The following UBE2O variants were observed in gnomAD, a reference collection of about 807,000 sequenced individuals.
UBE2O encodes the protein (E3-independent) E2 ubiquitin-conjugating enzyme.
UBE2O carries 15 observed loss-of-function variants against 125.8 expected under a neutral mutation model. That is an observed-to-expected ratio of 0.12 (90% confidence interval 0.08 to 0.18). The LOEUF is 0.18. Among genes scored for constraint, UBE2O ranks in the 10% least tolerant of loss-of-function variants. The probability of loss-of-function intolerance (pLI) is 1.00; values close to 1 mark genes in which losing one functional copy is unlikely to be tolerated. For missense variants in UBE2O, 1,280 were observed against 1,723.6 expected, an observed-to-expected ratio of 0.74 and a Z score of 4.56; for synonymous variants, 708 against 703.2, an observed-to-expected ratio of 1.01 and a Z score of -0.11.
chr17:76,417,209 G>A (rs1268480021), intron 1 of UBE2O, among the ~76,000 whole-genome samples: 1 of 152,184 alleles, frequency 6.6e-6, no homozygotes, highest in African/African-American at 2.4e-5. Flanking sequence ...CTGACTCAGG[G>A]GCAGGCTTCT....
At chr17:76,436,492 G>A (rs540544367) in intron 1 of UBE2O, among the ~76,000 whole-genome samples, 37 of 152,234 alleles carry the variant, frequency 2.4e-4, no homozygotes, top group African/African-American at 7.7e-4. Context: ...GTGCTGGATT[G>A]TCAGAGACTG....
intron 1 of UBE2O, among the ~76,000 whole-genome samples, chr17:76,406,930 C>T (rs1481557166): frequency 2.0e-5 from 3 of 152,066 alleles, no homozygotes; most frequent in Non-Finnish European, 4.4e-5. Context: ...GAACTCCTGA[C>T]CTCGTGATCT....
chr17:76,444,364 TA>T (rs1420017714), intron 1 of UBE2O, among the ~76,000 whole-genome samples: 1 of 152,124 alleles, frequency 6.6e-6, no homozygotes. Context: ...GCCTGGCCAA[TA>T]CCATGGTGAG....
At chr17:76,393,089 T>C (rs1397345446) in intron 15 of UBE2O, among the ~76,000 whole-genome samples, 1 of 151,176 alleles carries the variant, frequency 6.6e-6, no homozygotes, top group African/African-American at 2.4e-5. Flanking sequence ...TGGGACCCTA[T>C]CTCTACAAAA....
chr17:76,402,562 T>A lies in UBE2O; in HGVS notation c.686+40A>T, dbSNP rs1198951072. 3 of 1,562,372 alleles carry A rather than the reference T, an allele frequency of 1.9e-6. No individual in the cohort carries two copies. Among genetic ancestry groups the A allele is most frequent in the Middle Eastern group, 1.7e-4 (1 of 5,968 alleles). On this transcript the variant is annotated intron_variant, in intron 4 of 17. Transcript: ENST00000319380. This position sits in a 1 kb window ranked among gnomAD's most constrained non-coding sequence, Gnocchi z 5.4. ...CTCCTCCCCTCTTTCCAAGAGGCTATCCTTCCCAAGCCGATGGCTCTCTGG... is the reference window on the plus strand; with the variant it reads ...CTCCTCCCCTCTTTCCAAGAGGCTAACCTTCCCAAGCCGATGGCTCTCTGG...
chr17:76,405,726 C>G lies in UBE2O; in HGVS notation c.418-154G>C, dbSNP rs1340182854. On this transcript the variant is annotated intron_variant, in intron 1 of 17. Coordinates refer to ENST00000319380, the MANE Select transcript of UBE2O (RefSeq NM_022066.4). The surrounding 1 kb of genome is among the most constrained non-coding windows in gnomAD (Gnocchi z 6.1). ...GCAGTATCTTCACAGACCGCACACA[C>G]CTCCGACCAGCACCCAGACCCACAG... Among the ~76,000 whole-genome samples the G allele has an allele frequency of 6.6e-6, 1 of 152,228 alleles. No individual in the cohort carries two copies. Among genetic ancestry groups the G allele is most frequent in the East Asian group, 1.9e-4 (1 of 5,204 alleles).
chr17:76,438,403 A>G (rs2073031434), intron 1 of UBE2O, among the ~76,000 whole-genome samples: 1 of 152,054 alleles, frequency 6.6e-6, no homozygotes, highest in Non-Finnish European at 1.5e-5. Flanking sequence ...TCTTCTGATC[A>G]CCTCAAAGCC....
intron 1 of UBE2O, among the ~76,000 whole-genome samples, chr17:76,427,991 C>G (rs1488461438): frequency 6.6e-6 from 1 of 152,216 alleles, no homozygotes; most frequent in Non-Finnish European, 1.5e-5. Context: ...CTACTCTGCT[C>G]TGGCTTTATA....
rs778638385 is a variant in UBE2O, at chr17:76,399,516, T to G, written c.1561A>C (p.Lys521Gln). 4 of 1,614,184 alleles carry G rather than the reference T, an allele frequency of 2.5e-6. No homozygotes were observed. The South Asian group carries it at 4.4e-5, about 18-fold the overall frequency. ...CTCTTGTGTTTGCGCTTTAAGTTCT[T>G]GATGGACAAGGGGATGCTCTTTTTG... is the stretch of plus-strand genomic sequence containing the variant. ...SRKKSIPLSIKNLKRKHKRKK... is the reference protein window; with the variant it reads ...SRKKSIPLSIQNLKRKHKRKK... The change falls in exon 9 of 18, where the codon AAG becomes CAG. Residue 521 changes from lysine to glutamine, a missense_variant. Lys to Gln is a moderately conservative substitution (Grantham distance 53). This residue lies in a region of UBE2O where 145 missense variants were observed against 219.6 expected (regional missense o/e 0.66). Coordinates refer to ENST00000319380, the MANE Select transcript of UBE2O (RefSeq NM_022066.4). This position sits in a 1 kb window ranked among gnomAD's most constrained non-coding sequence, Gnocchi z 6.9.
chr17:76,416,082 T>C (rs945907432), intron 1 of UBE2O, among the ~76,000 whole-genome samples: 2 of 151,924 alleles, frequency 1.3e-5, no homozygotes, highest in East Asian at 1.9e-4. Context: ...TGTGTATACA[T>C]ATGTACATAC....
intron 1 of UBE2O, among the ~76,000 whole-genome samples, chr17:76,417,605 G>A (rs543374722): frequency 4.3e-4 from 66 of 152,186 alleles, no homozygotes; most frequent in Non-Finnish European, 8.2e-4. Flanking sequence ...ATGGATGGAG[G>A]CCAAATGAGA....
At position 76,389,510 on chromosome 17, in the gene UBE2O, CAA is replaced by C. The variant is rs33950096; in HGVS notation, c.*1431_*1432del. 5.7e-5 allele frequency: 2 copies of C among 35,178 alleles called. No individual in the cohort carries two copies. Among genetic ancestry groups the C allele is most frequent in the African/African-American group, 1.6e-4 (2 of 12,146 alleles). The allele number at this position is 35,178 out of a possible 1,614,324, so 2.2% of individuals were successfully genotyped here. On this transcript the variant is annotated 3_prime_UTR_variant, in exon 18 of 18. Coordinates refer to ENST00000319380, the MANE Select transcript of UBE2O (RefSeq NM_022066.4). ...ACCTTGTCTTGCTAATGAGCCAACA[CAA>C]AAAAAAAAAAAAAAAAAAATGCAAG... is the stretch of plus-strand genomic sequence containing the variant.
At chr17:76,412,739 G>A (rs1000284253) in intron 1 of UBE2O, among the ~76,000 whole-genome samples, 9 of 152,246 alleles carry the variant, frequency 5.9e-5, no homozygotes, top group African/African-American at 2.2e-4. Context: ...GCCGGGCGCA[G>A]TGGCTCAAGC....
Position 76,415,795 on chromosome 17 carries a change from C to CTGTGTGTGTGTG in UBE2O, c.418-10235_418-10224dup, listed in dbSNP as rs34127040. On this transcript the variant is annotated intron_variant, in intron 1 of 17. Coordinates refer to ENST00000319380, the MANE Select transcript of UBE2O (RefSeq NM_022066.4). ...CTCCAGCTTGGGCAACAGAGCAAGA[C>CTGTGTGTGTGTG]TGTGTGTGTGTGTGTGTGTGTGTGT... 1.8e-3 allele frequency among the ~76,000 whole-genome samples: 256 copies of CTGTGTGTGTGTG among 143,264 alleles called. 1 individual carries two copies. The highest frequency in any genetic ancestry group is 6.3e-3 in the African/African-American group (242 of 38,604). 94.0% of individuals were successfully genotyped at this position (143,264 alleles called of 152,430 possible). A position where few individuals can be genotyped will look rare whatever the true frequency, so the allele number is the denominator to read the frequency against.
At chr17:76,449,366 G>C (rs908157413) in intron 1 of UBE2O, among the ~76,000 whole-genome samples, 71 of 152,266 alleles carry the variant, frequency 4.7e-4, no homozygotes, top group African/African-American at 1.6e-3. Flanking sequence ...CTTGAGGCCA[G>C]AAGTTCAAGA....
intron 1 of UBE2O, among the ~76,000 whole-genome samples, chr17:76,432,090 G>A (rs891303006): frequency 3.3e-5 from 5 of 152,216 alleles, no homozygotes; most frequent in Middle Eastern, 6.8e-3. Context: ...AACATAAATA[G>A]CAGCACATGT....
chr17:76,440,605 G>C (rs2073063712), intron 1 of UBE2O, among the ~76,000 whole-genome samples: 1 of 152,232 alleles, frequency 6.6e-6, no homozygotes, highest in Non-Finnish European at 1.5e-5. Flanking sequence ...TGGGATTATA[G>C]CCATGAGCCA....
At chr17:76,419,039 T>C (rs1252109129) in intron 1 of UBE2O, among the ~76,000 whole-genome samples, 4 of 152,022 alleles carry the variant, frequency 2.6e-5, no homozygotes, top group African/African-American at 9.7e-5. Context: ...TACCAGTACT[T>C]TGAGAGGCTG....
chr17:76,445,673 T>C (rs2073139746), intron 1 of UBE2O, among the ~76,000 whole-genome samples: 1 of 152,238 alleles, frequency 6.6e-6, no homozygotes, highest in South Asian at 2.1e-4. Context: ...TCACAGAGTA[T>C]AGCTAACGAA....
Sources: gnomAD v4.1 joint callset for allele counts (sites outside exome capture counted in the v4.1 genomes callset) on GRCh38, gnomAD v4.1.1 for gene constraint, gnomAD v4.1.1 regional missense constraint, Gnocchi (gnomAD v3.1) non-coding constraint, MANE v1.5 for transcripts, NCBI Gene and HGNC (gene_info 2026-07-23, HGNC 2026-07-21) for gene names.